The following BPHL variants were observed in gnomAD, a reference collection of about 807,000 sequenced individuals.
BPHL encodes the protein biphenyl hydrolase like.
BPHL carries 27 observed loss-of-function variants against 31.2 expected under a neutral mutation model. That is an observed-to-expected ratio of 0.87 (90% CI 0.64 to 1.19). The LOEUF is 1.19. Ranked by LOEUF, BPHL falls within the 50% of genes most tolerant of loss-of-function variation. BPHL has a pLI of 0.00. For synonymous variants in BPHL, 150 were observed against 146.8 expected, an observed-to-expected ratio of 1.02 and a Z score of -0.16; for missense variants, 356 against 375.7, an observed-to-expected ratio of 0.95 and a Z score of 0.43.
rs536678970 is a variant in BPHL, at chr6:3,121,862, A to G, written c.108-1795A>G. Among the ~76,000 whole-genome samples, 6 of 152,290 alleles carry G rather than the reference A, an allele frequency of 3.9e-5. No homozygotes were observed. In the East Asian group the frequency reaches 1.2e-3, roughly 29 times the overall value. On this transcript the variant is annotated intron_variant, in intron 1 of 6. Transcript: ENST00000380379. Reference sequence around the variant, plus strand: ...ACCTGTATTCAACACATCTGTTTCCACGTTTGTTTCTTTTTTACTTGAGAC... The same window carrying G: ...ACCTGTATTCAACACATCTGTTTCCGCGTTTGTTTCTTTTTTACTTGAGAC...
chr6:3,118,902 G>C (rs1357359906), intron 1 of BPHL, 55 bp downstream of exon 1: 1 of 1,202,822 alleles, frequency 8.3e-7, no homozygotes, highest in Non-Finnish European at 1.0e-6. Flanking sequence ...CTCGAGGGGC[G>C]GCGGGAGGGG....
intron 4 of BPHL, among the ~76,000 whole-genome samples, chr6:3,131,045 T>G (rs890331060): frequency 2.6e-5 from 4 of 152,138 alleles, no homozygotes; most frequent in Admixed American, 2.6e-4. Flanking sequence ...ATCCTTAAAT[T>G]CTCTCCACTG....
intron 6 of BPHL, among the ~76,000 whole-genome samples, chr6:3,145,896 G>GT (rs1253512118): frequency 1.4e-5 from 1 of 69,020 alleles, no homozygotes. Context: ...GCTGGTTTGG[G>GT]TCGAGTGCTG....
intron 4 of BPHL, among the ~76,000 whole-genome samples, chr6:3,136,004 G>C (rs1762009007): frequency 6.6e-6 from 1 of 152,182 alleles, no homozygotes; most frequent in African/African-American, 2.4e-5. Context: ...TGCCTTTGGA[G>C]CTGGCTTACT....
chr6:3,118,992 G>A (rs1761477011), intron 1 of BPHL, 145 bp downstream of exon 1: 1 of 716,970 alleles, frequency 1.4e-6, no homozygotes, highest in African/African-American at 1.9e-5. Flanking sequence ...CCTTTGTGCC[G>A]CGAGACCCCG....
At chr6:3,146,707 CGGAGTGCTGGTTTGGGTT>C in intron 6 of BPHL, among the ~76,000 whole-genome samples, 1 of 124,538 alleles carries the variant, frequency 8.0e-6, no homozygotes, top group African/African-American at 3.3e-5. Flanking sequence ...TGATTTGGGT[CGGAGTGCTGGTTTGGGTT>C]GAGTGCTGGT....
intron 1 of BPHL, among the ~76,000 whole-genome samples, chr6:3,121,717 C>T (rs549214119): frequency 6.6e-6 from 1 of 152,218 alleles, no homozygotes; most frequent in African/African-American, 2.4e-5. Context: ...TGCTTGGTGG[C>T]TTCATTGATG....
rs1049792189 is a variant in BPHL at position 3,149,095 on chromosome 6, A to G, written c.789-3393A>G. ...TCTCATTCATCCTCAGAATGATTCTATGGGGTAGATTCTATTACTGTCCGC... is the reference window on the plus strand; with the variant it reads ...TCTCATTCATCCTCAGAATGATTCTGTGGGGTAGATTCTATTACTGTCCGC... On this transcript the variant is annotated intron_variant, in intron 6 of 6. Transcript: ENST00000380379. This position sits in a 1 kb window ranked among gnomAD's most constrained non-coding sequence, Gnocchi z 4.6. Among the ~76,000 whole-genome samples the G allele has an allele frequency of 2.6e-5, 4 of 152,162 alleles. No individual in the cohort carries two copies. Among genetic ancestry groups the G allele is most frequent in the East Asian group, 1.9e-4 (1 of 5,204 alleles).
intron 1 of BPHL, among the ~76,000 whole-genome samples, chr6:3,121,295 T>C (rs79287717): frequency 8.1e-6 from 1 of 123,438 alleles, no homozygotes; most frequent in African/African-American, 3.7e-5. Context: ...CAGTTTCTTT[T>C]TTTTTTTTTT....
chr6:3,119,250 A>G (rs1185806847), intron 1 of BPHL: 1 of 1,521,128 alleles, frequency 6.6e-7, no homozygotes, highest in Non-Finnish European at 8.8e-7. Flanking sequence ...CACTAAGGGC[A>G]TAAGGACAAT....
intron 4 of BPHL, among the ~76,000 whole-genome samples, chr6:3,130,182 T>C (rs1436809979): frequency 6.6e-6 from 1 of 152,216 alleles, no homozygotes; most frequent in African/African-American, 2.4e-5. Flanking sequence ...CCTCCCACTT[T>C]TGTGCAGCCC....
intron 4 of BPHL, among the ~76,000 whole-genome samples, chr6:3,129,952 A>G (rs776573716): frequency 1.8e-4 from 27 of 151,980 alleles, no homozygotes; most frequent in Admixed American, 4.6e-4. Flanking sequence ...GATTACAGGC[A>G]TGTGCCACCA....
chr6:3,122,844 C>T (rs1255618029), intron 1 of BPHL, among the ~76,000 whole-genome samples: 1 of 152,206 alleles, frequency 6.6e-6, no homozygotes, highest in Non-Finnish European at 1.5e-5. Flanking sequence ...CACAGGATAC[C>T]CTACAGCTAA....
chr6:3,137,383 G>C lies in BPHL; in HGVS notation c.554G>C (p.Trp185Ser), dbSNP rs1210657689. Residue 185 changes from tryptophan (W) to serine (S), a missense_variant, in exon 5 of 7, where the codon TGG becomes TCG. Transcript: ENST00000380379. Reference protein sequence around the residue: ...IYEGIRDVSKWSERTRKPLEA... With the variant: ...IYEGIRDVSKSSERTRKPLEA... ...TCAGGCATCCGAGATGTTTCCAAAT[G>C]GAGTGAGAGAACAAGAAAGCCTCTA... 9 of 1,612,328 alleles carry C rather than the reference G, an allele frequency of 5.6e-6. No homozygotes were observed. In the African/African-American group the frequency reaches 1.1e-4, roughly 19 times the overall value.
At chr6:3,119,263 T>C (rs1761491314) in intron 1 of BPHL, 1 of 1,532,672 alleles carries the variant, frequency 6.5e-7, no homozygotes, top group Non-Finnish European at 8.8e-7. Context: ...AGGACAATAA[T>C]CTCTTCTTTC....
At chr6:3,128,995 AAC>A (rs763303204) in intron 3 of BPHL, 48 bp from the exon 4 acceptor site, 18 of 1,612,702 alleles carry the variant, frequency 1.1e-5, no homozygotes, top group Non-Finnish European at 1.5e-5. Flanking sequence ...AGTTTCTTTT[AAC>A]AGAGAGGAGC....
intron 1 of BPHL, 101 bp downstream of exon 1, chr6:3,118,948 A>C: frequency 3.0e-6 from 3 of 1,014,534 alleles, no homozygotes; most frequent in Non-Finnish European, 3.8e-6. Flanking sequence ...GCGCGCGGGC[A>C]CGGGGCGTGG....
At chr6:3,133,498 C>T (rs967516083) in intron 4 of BPHL, among the ~76,000 whole-genome samples, 1 of 152,168 alleles carries the variant, frequency 6.6e-6, no homozygotes, top group Non-Finnish European at 1.5e-5. Context: ...ACTTTGCTCA[C>T]GGAATGAGTG....
intron 6 of BPHL, among the ~76,000 whole-genome samples, chr6:3,147,735 G>A (rs2113778385): frequency 6.6e-6 from 1 of 152,344 alleles, no homozygotes; most frequent in East Asian, 1.9e-4. Flanking sequence ...GGTCTGCAGA[G>A]TGAGTTGGCC....
Sources: allele counts gnomAD v4.1 joint callset (sites outside exome capture counted in the v4.1 genomes callset), GRCh38; gene constraint gnomAD v4.1.1; non-coding constraint Gnocchi (gnomAD v3.1); transcripts MANE v1.5; gene names NCBI Gene and HGNC (gene_info 2026-07-23, HGNC 2026-07-21).